SGCD: variants seen among roughly 807,000 people sequenced by gnomAD.
SGCD encodes the protein delta-sarcoglycan.
A neutral mutation model predicts 36.6 loss-of-function variants in SGCD; 18 were observed. That is an observed-to-expected ratio of 0.49 (90% confidence interval 0.34 to 0.73). The LOEUF (loss-of-function observed/expected upper bound fraction) is 0.73. Ranked by LOEUF, SGCD falls within the 30% of genes least tolerant of loss-of-function variation. The pLI, the probability that SGCD is intolerant of heterozygous loss-of-function variation, is 0.01. For missense variants in SGCD, 387 were observed against 346.7 expected (o/e 1.12, Z -0.92); for synonymous variants, 133 against 130.6 (o/e 1.02, Z -0.12).
At chr5:156,376,181 A>G (rs887502762) in intron 3 of SGCD, among the ~76,000 whole-genome samples, 1 of 152,248 alleles carries the variant, frequency 6.6e-6, no homozygotes, top group East Asian at 1.9e-4. Flanking sequence ...TCAAGAACCC[A>G]GTCTAAAGGA....
At chr5:156,604,351 A>G (rs1235959882) in intron 6 of SGCD, among the ~76,000 whole-genome samples, 1 of 151,912 alleles carries the variant, frequency 6.6e-6, no homozygotes, top group African/African-American at 2.4e-5. Context: ...CAGTCACTGT[A>G]TATATTTTAA....
rs116009387 is a variant in SGCD, at chr5:155,970,679, G to A, written c.-282+100255G>A. 3.9e-3 allele frequency among the ~76,000 whole-genome samples: 596 copies of A among 152,274 alleles called. 9 individuals carry two copies. The highest frequency in any genetic ancestry group is 0.014 in the African/African-American group (573 of 41,562). ...GTCATTTGAGTAGTGATATTAGGAT[G>A]TGACTATGTCATAGATTTTACATAT... On this transcript the variant is annotated intron_variant, in intron 1 of 9. Coordinates refer to the SGCD transcript ENST00000517913.
intron 1 of SGCD, among the ~76,000 whole-genome samples, chr5:155,910,844 ACT>A (rs1160581587): frequency 6.6e-6 from 1 of 152,042 alleles, no homozygotes; most frequent in Non-Finnish European, 1.5e-5. Flanking sequence ...ATTCATTTGC[ACT>A]CTGTTTCTTT....
intron 4 of SGCD, among the ~76,000 whole-genome samples, chr5:156,529,634 G>A (rs868223220): frequency 5.9e-5 from 9 of 151,976 alleles, no homozygotes; most frequent in Admixed American, 1.3e-4. Context: ...GATATGTTAC[G>A]CCGTTAGTCT....
intron 7 of SGCD, among the ~76,000 whole-genome samples, chr5:156,681,714 T>A (rs1753730106): frequency 6.6e-6 from 1 of 152,212 alleles, no homozygotes; most frequent in South Asian, 2.1e-4. Context: ...CCAATAAGTT[T>A]GGATTTCAAC....
Position 156,304,821 on chromosome 5 carries a change from A to C in SGCD, c.-43-24713A>C, listed in dbSNP as rs138006150. Among the ~76,000 whole-genome samples, 185 of 152,276 alleles carry C rather than the reference A, an allele frequency of 1.2e-3. 1 individual carries two copies. The highest frequency in any genetic ancestry group is 4.2e-3 in the African/African-American group (175 of 41,568). ...TCCAGTCTGAAGTGGTCTCAGATGGAGATGAGGCGCTTGTTGGGAGGTGGA... is the reference window on the plus strand; with the variant it reads ...TCCAGTCTGAAGTGGTCTCAGATGGCGATGAGGCGCTTGTTGGGAGGTGGA... On this transcript the variant is annotated intron_variant, in intron 3 of 9. Transcript: ENST00000517913.
intron 3 of SGCD, among the ~76,000 whole-genome samples, chr5:156,504,390 GTGTATATATATATA>G (rs1315078275): frequency 2.0e-3 from 258 of 126,488 alleles, no homozygotes; most frequent in African/African-American, 8.4e-3. Flanking sequence ...GGGTGTGTGT[GTGTATATATATATA>G]TATATATATA....
chr5:156,376,233 G>C (rs1355598584), intron 3 of SGCD, among the ~76,000 whole-genome samples: 2 of 152,124 alleles, frequency 1.3e-5, no homozygotes, highest in Non-Finnish European at 2.9e-5. Context: ...ATATCATCTT[G>C]GGTGTTAACA....
intron 3 of SGCD, among the ~76,000 whole-genome samples, chr5:156,246,388 TG>T (rs1765439658): frequency 1.3e-5 from 2 of 152,112 alleles, no homozygotes; most frequent in Non-Finnish European, 1.5e-5. Flanking sequence ...AAAATTCTAT[TG>T]AAAAAAAATC....
chr5:156,057,998 A>G (rs568986475), intron 1 of SGCD, among the ~76,000 whole-genome samples: 1 of 146,292 alleles, frequency 6.8e-6, no homozygotes, highest in Non-Finnish European at 1.5e-5. Flanking sequence ...AGACATCTTC[A>G]GGCAGTAAAT....
At chr5:155,829,229 A>G in the SGCD span, among the ~76,000 whole-genome samples, 1 of 152,156 alleles carries the variant, frequency 6.6e-6, no homozygotes, top group Non-Finnish European at 1.5e-5. Flanking sequence ...TTTGGCAATA[A>G]ATATTCTATA....
chr5:156,331,864 C>T (rs1011781412), intron 2 of SGCD, among the ~76,000 whole-genome samples: 4 of 152,140 alleles, frequency 2.6e-5, no homozygotes, highest in Admixed American at 6.5e-5. Context: ...ATAAGGACAG[C>T]GGGGAACAGA....
intron 1 of SGCD, among the ~76,000 whole-genome samples, chr5:155,896,494 G>A (rs1756264212): frequency 6.8e-6 from 1 of 146,702 alleles, no homozygotes; most frequent in Non-Finnish European, 1.5e-5. Flanking sequence ...AAAAACACAA[G>A]AATTAGGCAG....
At chr5:156,147,025 G>T (rs980271454) in intron 3 of SGCD, among the ~76,000 whole-genome samples, 2 of 152,100 alleles carry the variant, frequency 1.3e-5, no homozygotes, top group Admixed American at 6.5e-5. Context: ...GTACGGCAAA[G>T]GTTTTATTCA....
chr5:156,612,676 G>C (rs1761871021), intron 6 of SGCD, among the ~76,000 whole-genome samples: 1 of 152,226 alleles, frequency 6.6e-6, no homozygotes, highest in South Asian at 2.1e-4. Context: ...CAGGGTTGTG[G>C]TGCTGTAACT....
the SGCD span, among the ~76,000 whole-genome samples, chr5:155,825,117 T>C: frequency 1.3e-5 from 2 of 152,180 alleles, no homozygotes; most frequent in African/African-American, 4.8e-5. Flanking sequence ...TTGATTCTAG[T>C]GGCACCAAGA....
intron 3 of SGCD, among the ~76,000 whole-genome samples, chr5:156,407,455 G>C (rs1025219749): frequency 2.0e-5 from 3 of 152,168 alleles, no homozygotes; most frequent in Non-Finnish European, 2.9e-5. Flanking sequence ...GAGCCTAAGC[G>C]GGGGAGGGGA....
At chr5:156,441,093 A>G (rs2127795940) in intron 3 of SGCD, among the ~76,000 whole-genome samples, 1 of 152,206 alleles carries the variant, frequency 6.6e-6, no homozygotes, top group East Asian at 1.9e-4. Context: ...TAATATTGTG[A>G]TTTTAAGCCC....
intron 3 of SGCD, among the ~76,000 whole-genome samples, chr5:156,469,283 A>G (rs1249410500): frequency 6.6e-6 from 1 of 152,196 alleles, no homozygotes; most frequent in Non-Finnish European, 1.5e-5. Context: ...AAGATCCATG[A>G]CACAAAAGGA....
Sources: allele counts gnomAD v4.1 joint callset (sites outside exome capture counted in the v4.1 genomes callset), GRCh38; gene constraint gnomAD v4.1.1; transcripts MANE v1.5; gene names NCBI Gene and HGNC (gene_info 2026-07-23, HGNC 2026-07-21).